Variants in RPS6KC1 observed in about 807,000 individuals in gnomAD.
The protein encoded by RPS6KC1 is inactive ribosomal protein S6 kinase delta-1.
A neutral mutation model predicts 103.8 loss-of-function variants in RPS6KC1; 54 were observed. The ratio of observed to expected loss-of-function variants is 0.52; its 90% CI spans 0.42 to 0.65. The LOEUF is 0.65. RPS6KC1 is among the 30% of genes least tolerant of loss of function. The pLI is 0.00. For missense variants in RPS6KC1, 1,151 were observed against 1,253.8 expected (o/e 0.92, Z 1.24); for synonymous variants, 439 against 438.7 (o/e 1.00, Z -0.01).
At chr1:213,710,223 G>A in the RPS6KC1 span, among the ~76,000 whole-genome samples, 1 of 152,150 alleles carries the variant, frequency 6.6e-6, no homozygotes, top group South Asian at 2.1e-4. Context: ...TATATATTTA[G>A]GATAGTCAGC....
the RPS6KC1 span, among the ~76,000 whole-genome samples, chr1:213,375,882 A>T: frequency 1.2e-4 from 18 of 152,302 alleles, no homozygotes; most frequent in East Asian, 3.5e-3. Context: ...AGAGGGCCAG[A>T]CACATGGGCC....
chr1:213,357,397 G>T, the RPS6KC1 span, among the ~76,000 whole-genome samples: 3 of 152,238 alleles, frequency 2.0e-5, no homozygotes, highest in African/African-American at 7.2e-5. Flanking sequence ...ACCAGGAAGG[G>T]TGAGAGGGGG....
chr1:213,205,545 T>TATATATATATATATATATATATAC (rs2093320139), intron 8 of RPS6KC1, among the ~76,000 whole-genome samples: 1 of 112,936 alleles, frequency 8.9e-6, no homozygotes, highest in Non-Finnish European at 1.9e-5. Context: ...TTTATATATA[T>TATATATATATATATATATATATAC]AGATATATAT....
chr1:213,599,329 C>T, the RPS6KC1 span, among the ~76,000 whole-genome samples: 5 of 152,056 alleles, frequency 3.3e-5, no homozygotes, highest in Non-Finnish European at 5.9e-5. Flanking sequence ...AGCAGCTTCA[C>T]AATTTCCTGC....
At chr1:213,363,311 G>C in the RPS6KC1 span, among the ~76,000 whole-genome samples, 2 of 152,316 alleles carry the variant, frequency 1.3e-5, no homozygotes, top group African/African-American at 4.8e-5. Context: ...CTGAAAACCT[G>C]CCAGAGTAGT....
At chr1:213,558,166 C>T in the RPS6KC1 span, among the ~76,000 whole-genome samples, 47 of 152,322 alleles carry the variant, frequency 3.1e-4, no homozygotes, top group African/African-American at 7.7e-4. Context: ...GCATCAGCTA[C>T]GTAAGGGGCT....
At chr1:213,393,491 G>C in the RPS6KC1 span, among the ~76,000 whole-genome samples, 4 of 152,286 alleles carry the variant, frequency 2.6e-5, no homozygotes, top group African/African-American at 2.4e-5. Context: ...CCTGCATGCT[G>C]CTGCTCACAG....
chr1:213,788,027 C>G, the RPS6KC1 span, among the ~76,000 whole-genome samples: 1 of 152,150 alleles, frequency 6.6e-6, no homozygotes, highest in African/African-American at 2.4e-5. Flanking sequence ...ATTCACTCTA[C>G]CCAGTGGGGC....
At chr1:213,546,997 C>T in the RPS6KC1 span, among the ~76,000 whole-genome samples, 56 of 152,146 alleles carry the variant, frequency 3.7e-4, no homozygotes, top group Non-Finnish European at 7.2e-4. Flanking sequence ...TCCTTAGGTT[C>T]CTCTCCACTG....
At chr1:213,380,419 C>T in the RPS6KC1 span, among the ~76,000 whole-genome samples, 3 of 152,074 alleles carry the variant, frequency 2.0e-5, no homozygotes, top group Non-Finnish European at 2.9e-5. Context: ...GTATAACAAA[C>T]CCCCATGATA....
chr1:213,352,156 T>C, the RPS6KC1 span, among the ~76,000 whole-genome samples: 1 of 152,176 alleles, frequency 6.6e-6, no homozygotes, highest in Non-Finnish European at 1.5e-5. Context: ...TATTCCGTTA[T>C]TTATTTTTTA....
chr1:213,264,748 C>T (rs73093641), intron 14 of RPS6KC1, among the ~76,000 whole-genome samples: 6,692 of 152,128 alleles, frequency 0.044, 238 homozygotes, highest in African/African-American at 0.095. Context: ...TTTTCCACTA[C>T]CTCACAGGTC....
At chr1:213,595,736 A>G in the RPS6KC1 span, among the ~76,000 whole-genome samples, 1 of 152,244 alleles carries the variant, frequency 6.6e-6, no homozygotes, top group Non-Finnish European at 1.5e-5. Flanking sequence ...GCTAGTGTTC[A>G]ACAGAGTGCT....
At chr1:213,843,923 A>G in the RPS6KC1 span, among the ~76,000 whole-genome samples, 3 of 151,942 alleles carry the variant, frequency 2.0e-5, no homozygotes, top group African/African-American at 7.2e-5. Flanking sequence ...CTATGACCCA[A>G]TGTCAGAAAG....
the RPS6KC1 span, among the ~76,000 whole-genome samples, chr1:213,430,498 G>A: frequency 2.0e-5 from 3 of 152,164 alleles, no homozygotes; most frequent in Admixed American, 6.5e-5. Flanking sequence ...ATTATTTTGT[G>A]TTTATCTACT....
At chr1:213,791,233 A>G in the RPS6KC1 span, among the ~76,000 whole-genome samples, 1 of 152,212 alleles carries the variant, frequency 6.6e-6, no homozygotes, top group African/African-American at 2.4e-5. Context: ...GGCTGAGAAT[A>G]TAAGTAAATA....
the RPS6KC1 span, among the ~76,000 whole-genome samples, chr1:213,473,055 G>A: frequency 7.2e-5 from 11 of 152,330 alleles, no homozygotes; most frequent in East Asian, 5.8e-4. Flanking sequence ...GGCATCTGCC[G>A]TTTTAAATGC....
At chr1:213,832,784 G>A in the RPS6KC1 span, 4 of 152,224 alleles carry the variant, frequency 2.6e-5, no homozygotes, top group South Asian at 8.3e-4. Context: ...TTTTTTTCTG[G>A]TGACAACTTT....
chr1:213,246,363 A>G (rs1268510060), intron 12 of RPS6KC1, among the ~76,000 whole-genome samples: 2 of 152,254 alleles, frequency 1.3e-5, no homozygotes, highest in African/African-American at 2.4e-5. Flanking sequence ...GCATGACAAT[A>G]TAAATATAAC....
Sources: allele counts gnomAD v4.1 joint callset (sites outside exome capture counted in the v4.1 genomes callset), GRCh38; gene constraint gnomAD v4.1.1; transcripts MANE v1.5; gene names NCBI Gene and HGNC (gene_info 2026-07-23, HGNC 2026-07-21).